MLH3: variants seen among roughly 807,000 people sequenced by gnomAD.
The protein encoded by MLH3 is DNA mismatch repair protein Mlh3.
Under a neutral mutation model 122.2 loss-of-function variants are expected in MLH3, and 82 were observed. The ratio of observed to expected loss-of-function variants is 0.67; its 90% CI spans 0.56 to 0.81. The LOEUF (loss-of-function observed/expected upper bound fraction) is 0.81, where lower values mean the gene tolerates loss of function less well. MLH3 is among the 30% of genes least tolerant of loss of function. The pLI, the probability that MLH3 is intolerant of heterozygous loss-of-function variation, is 0.00. For synonymous variants in MLH3, 524 were observed against 599.5 expected (o/e 0.87, Z 1.84); for missense variants, 1,539 against 1,714.5 (o/e 0.90, Z 1.81).
chr14:75,027,180 G>A (rs1237993089), intron 9 of MLH3, among the ~76,000 whole-genome samples: 1 of 152,016 alleles, frequency 6.6e-6, no homozygotes, highest in Non-Finnish European at 1.5e-5. Flanking sequence ...AACTGGCAAT[G>A]TGAAATTCTG....
At chr14:75,026,317 A>C (rs144292557) in intron 9 of MLH3, among the ~76,000 whole-genome samples, 22 of 152,246 alleles carry the variant, frequency 1.4e-4, no homozygotes, top group Admixed American at 1.4e-3. Context: ...TTGGGGAAAA[A>C]AACACAACTT....
Position 75,048,350 on chromosome 14 carries a change from T to C in MLH3, c.1306A>G (p.Asn436Asp), listed in dbSNP as rs754824568. 7 of 1,613,672 alleles carry C rather than the reference T, an allele frequency of 4.3e-6. No individual in the cohort carries two copies. In the East Asian group the frequency reaches 1.1e-4, roughly 26 times the overall value. Residue 436 changes from asparagine to aspartate, a missense_variant, in exon 2 of 13, where the codon AAT becomes GAT. Transcript: ENST00000355774. ...RDSEATRKNT[N>D]DAFLYIYESG... Reference sequence around the variant, plus strand: ...TCATAAATGTACAAAAATGCATCATTTGTATTTTTTCTGGTAGCTTCTGAA... The same window carrying C: ...TCATAAATGTACAAAAATGCATCATCTGTATTTTTTCTGGTAGCTTCTGAA...
intron 9 of MLH3, among the ~76,000 whole-genome samples, chr14:75,028,062 G>A (rs1890777597): frequency 2.0e-5 from 3 of 149,274 alleles, no homozygotes; most frequent in Non-Finnish European, 1.5e-5. Flanking sequence ...ATAGAAAACA[G>A]GAAAGGAGAG....
rs1201853162 is a variant in MLH3 at position 75,049,110 on chromosome 14, G to A, written c.546C>T (p.His182=). 6.2e-6 allele frequency: 10 copies of A among 1,614,008 alleles called. No individual in the cohort carries two copies. Among genetic ancestry groups the A allele is most frequent in the Non-Finnish European group, 8.5e-6 (10 of 1,180,002 alleles). Residue 182 remains histidine (H), a synonymous_variant, in exon 2 of 13, where the codon CAC becomes CAT. Coordinates refer to ENST00000355774, the MANE Select transcript of MLH3 (RefSeq NM_001040108.2). ...RQRIEALSLM[H]PSISFSLRND... Reference sequence around the variant, plus strand: ...TTCTCAAAGAGAAAGAAATGGAAGGGTGCATGAGTGAGAGAGCTTCTATTC... The same window carrying A: ...TTCTCAAAGAGAAAGAAATGGAAGGATGCATGAGTGAGAGAGCTTCTATTC...
Position 75,031,359 on chromosome 14 carries a change from C to A in MLH3, c.3828-657G>T, listed in dbSNP as rs542480391. 6.6e-5 allele frequency among the ~76,000 whole-genome samples: 10 copies of A among 152,278 alleles called. No individual in the cohort carries two copies. In the East Asian group the frequency reaches 1.9e-3, roughly 29 times the overall value. ...ATGAAAACTAAGAGTCTAGAATGCACCAAAGCAAAGCAGAATGGGACCAAT... is the reference window on the plus strand; with the variant it reads ...ATGAAAACTAAGAGTCTAGAATGCAACAAAGCAAAGCAGAATGGGACCAAT... On this transcript the variant is annotated intron_variant, in intron 8 of 12. Coordinates refer to ENST00000355774, the MANE Select transcript of MLH3 (RefSeq NM_001040108.2).
chr14:75,038,843 AT>A (rs879937438), intron 5 of MLH3, among the ~76,000 whole-genome samples: 148 of 146,396 alleles, frequency 1.0e-3, no homozygotes, highest in African/African-American at 1.4e-3. Context: ...TTTATTTTTA[AT>A]TTTTTTTTTT....
intron 2 of MLH3, among the ~76,000 whole-genome samples, chr14:75,044,413 A>G (rs1178816369): frequency 6.6e-6 from 1 of 152,232 alleles, no homozygotes; most frequent in Non-Finnish European, 1.5e-5. Flanking sequence ...TCTTTTAGCA[A>G]CAGCCATCTC....
rs1892412042 is a variant in MLH3 at position 75,048,332 on chromosome 14, T to A, written c.1324A>T (p.Ile442Phe). 6.2e-7 allele frequency: 1 copy of A among 1,614,030 alleles called. No homozygotes were observed. The highest frequency in any genetic ancestry group is 8.5e-7 in the Non-Finnish European group (1 of 1,179,992). The change falls in exon 2 of 13, where the codon ATT becomes TTT. Residue 442 changes from isoleucine (I) to phenylalanine (F), a missense_variant. Transcript: ENST00000355774. ...TGGCCTGGACCACCTGATTCATAAA[T>A]GTACAAAAATGCATCATTTGTATTT... is the stretch of plus-strand genomic sequence containing the variant. ...RKNTNDAFLY[I>F]YESGGPGHSK... is the part of the protein sequence containing the mutation.
chr14:75,048,000 C>A lies in MLH3; in HGVS notation c.1656G>T (p.Lys552Asn). 6.2e-7 allele frequency: 1 copy of A among 1,613,944 alleles called. No individual in the cohort carries two copies. The highest frequency in any genetic ancestry group is 1.3e-5 in the African/African-American group (1 of 75,030). The change falls in exon 2 of 13, where the codon AAG (lysine) becomes AAT (asparagine). Residue 552 changes from lysine to asparagine, a missense_variant. Lys to Asn is a moderately conservative substitution (Grantham distance 94, BLOSUM62 0). Transcript: ENST00000355774. ...CCACTTCAGTAGCATCTTTAAATCT[C>A]TTTGGTTGATTCTGAATTCTATTAT... is the stretch of plus-strand genomic sequence containing the variant. Reference protein sequence around the residue: ...LKNNRIQNQPKRFKDATEVGC... With the variant: ...LKNNRIQNQPNRFKDATEVGC...
At chr14:75,034,049 T>G (rs1303541211) in intron 6 of MLH3, among the ~76,000 whole-genome samples, 7 of 151,936 alleles carry the variant, frequency 4.6e-5, no homozygotes, top group Non-Finnish European at 1.0e-4. Flanking sequence ...AAAAATTAGC[T>G]GGGTGTGGTG....
chr14:75,047,902 T>C lies in MLH3; in HGVS notation c.1754A>G (p.Lys585Arg), dbSNP rs1398064873. Residue 585 changes from lysine to arginine, a missense_variant, in exon 2 of 13, where the codon AAA (lysine) becomes AGA (arginine). Physicochemically the swap from Lys to Arg is conservative, Grantham distance 26. Transcript: ENST00000355774. ...HSAQTEKEKK[K>R]ESSNCGRRNV... ...TCTTCTTCCACAATTGCTAGATTCT[T>C]TTTTTTTCTCTTTCTCTGTCTGAGC... The C allele has an allele frequency of 6.2e-7, 1 of 1,613,312 alleles. No individual in the cohort carries two copies. The highest frequency in any genetic ancestry group is 2.2e-5 in the East Asian group (1 of 44,874).
chr14:75,024,594 A>C (rs1037642948), intron 9 of MLH3, among the ~76,000 whole-genome samples: 2 of 152,192 alleles, frequency 1.3e-5, no homozygotes, highest in Non-Finnish European at 2.9e-5. Context: ...TGCAGCCTCC[A>C]CCTCCTCACC....
At chr14:75,024,264 C>T (rs965581509) in intron 9 of MLH3, among the ~76,000 whole-genome samples, 1 of 152,110 alleles carries the variant, frequency 6.6e-6, no homozygotes. Context: ...TGCAATGGCA[C>T]GATCTTGGCT....
At chr14:75,018,433 C>G (rs531591669) in intron 12 of MLH3, among the ~76,000 whole-genome samples, 158 of 152,308 alleles carry the variant, frequency 1.0e-3, no homozygotes, top group African/African-American at 3.5e-3. Flanking sequence ...CCGTTTCCAG[C>G]AGGTACTATC....
intron 5 of MLH3, 106 bp downstream of exon 5, chr14:75,039,805 G>T: frequency 6.0e-6 from 2 of 335,400 alleles, no homozygotes; most frequent in South Asian, 4.0e-5. Flanking sequence ...GACCAAGGTG[G>T]TCTATATCAT....
In MLH3 at chr14:75,049,417, G is replaced by A. The variant is rs1566610687; in HGVS notation, c.239C>T (p.Ser80Leu). ...CCTTGGATTCTCCAAGTCCTGTACCGAGTGGCATTTACTGGTGAAATAACG... is the reference window on the plus strand; with the variant it reads ...CCTTGGATTCTCCAAGTCCTGTACCAAGTGGCATTTACTGGTGAAATAACG... ...GNRYFTSKCH[S>L]VQDLENPRFY... is the part of the protein sequence containing the mutation. Residue 80 changes from serine to leucine, a missense_variant, in exon 2 of 13, where the codon TCG (serine) becomes TTG (leucine). Physicochemically the swap from Ser to Leu is moderately radical, Grantham distance 145. Transcript: ENST00000355774. 2 of 1,613,980 alleles carry A rather than the reference G, an allele frequency of 1.2e-6. No individual in the cohort carries two copies. Among genetic ancestry groups the A allele is most frequent in the South Asian group, 1.1e-5 (1 of 91,072 alleles).
In MLH3 at chr14:75,030,700, C is replaced by G. The variant is rs1410293317; in HGVS notation, c.3830G>C (p.Cys1277Ser). ...CAGATCTTCCAGATTTTTGTGGTAACACCTAAAGAGATAACCTCAAATGTT... is the reference window on the plus strand; with the variant it reads ...CAGATCTTCCAGATTTTTGTGGTAAGACCTAAAGAGATAACCTCAAATGTT... ...VTEEQRRLLWCYHKNLEDLGL... is the reference protein window; with the variant it reads ...VTEEQRRLLWSYHKNLEDLGL... Residue 1277 changes from cysteine to serine, a missense_variant and splice_region_variant, in exon 9 of 13, where the codon TGT becomes TCT. Coordinates refer to ENST00000355774, the MANE Select transcript of MLH3 (RefSeq NM_001040108.2). 6.2e-7 allele frequency: 1 copy of G among 1,612,392 alleles called. No homozygotes were observed.
intron 2 of MLH3, among the ~76,000 whole-genome samples, chr14:75,045,086 T>G (rs1328780690): frequency 1.3e-5 from 2 of 152,178 alleles, no homozygotes; most frequent in African/African-American, 4.8e-5. Context: ...TCCCACCACT[T>G]TGGGAGGCCG....
chr14:75,042,387 T>A lies in MLH3; in HGVS notation c.3371A>T (p.Asp1124Val). 1.9e-6 allele frequency: 3 copies of A among 1,614,094 alleles called. No homozygotes were observed. Among genetic ancestry groups the A allele is most frequent in the Non-Finnish European group, 2.5e-6 (3 of 1,179,952 alleles). The change falls in exon 3 of 13, where the codon GAT becomes GTT. Residue 1124 changes from aspartate to valine, a missense_variant. Asp to Val is a radical substitution (Grantham distance 152, BLOSUM62 -3). Coordinates refer to ENST00000355774, the MANE Select transcript of MLH3 (RefSeq NM_001040108.2). ...CTCTCTGCCACCCTTACCTCTGTTA[T>A]CCTGTCTCATCACAGTCCTCTCTGC... ...ARAERTVMRQ[D>V]NRDTVDDTVS... is the part of the protein sequence containing the mutation.
Sources: gnomAD v4.1 joint callset for allele counts (sites outside exome capture counted in the v4.1 genomes callset) on GRCh38, gnomAD v4.1.1 for gene constraint, MANE v1.5 for transcripts, NCBI Gene and HGNC (gene_info 2026-07-23, HGNC 2026-07-21) for gene names.